BAZ2B: variants seen among roughly 807,000 people sequenced by gnomAD.
The protein encoded by BAZ2B is bromodomain adjacent to zinc finger domain 2B.
In BAZ2B, 91 loss-of-function variants were observed where a neutral mutation model predicts 246.0. The ratio of observed to expected loss-of-function variants is 0.37; its 90% CI spans 0.31 to 0.44. The LOEUF (loss-of-function observed/expected upper bound fraction) is 0.44. BAZ2B is among the 20% of genes least tolerant of loss of function. The pLI is 1.00. For missense variants in BAZ2B, 2,332 were observed against 2,533.7 expected, an observed-to-expected ratio of 0.92 and a Z score of 1.71; for synonymous variants, 855 against 860.0, an observed-to-expected ratio of 0.99 and a Z score of 0.10.
rs778857990 is a variant in BAZ2B, at chr2:159,400,581, T to C, written c.2898+18A>G. On this transcript the variant is annotated intron_variant, in intron 17 of 36. Coordinates refer to ENST00000392783, the MANE Select transcript of BAZ2B (RefSeq NM_013450.4). ...TATGGCTAAATTACTTTAATTATAT[T>C]AAATTTAAGACTTCTACCTCTAGAA... 1.4e-6 allele frequency: 2 copies of C among 1,457,250 alleles called. No individual in the cohort carries two copies. The highest frequency in any genetic ancestry group is 1.9e-6 in the Non-Finnish European group (2 of 1,057,258). The allele number at this position is 1,457,250 out of a possible 1,614,324, so 90.3% of individuals were successfully genotyped here.
intron 2 of BAZ2B, among the ~76,000 whole-genome samples, chr2:159,501,821 T>C (rs1053416403): frequency 7.2e-5 from 11 of 152,312 alleles, no homozygotes; most frequent in Admixed American, 7.2e-4. Context: ...TCTACTCCTA[T>C]TCTTGGACAT....
chr2:159,446,164 C>T (rs1362245084), intron 6 of BAZ2B, among the ~76,000 whole-genome samples: 1 of 152,056 alleles, frequency 6.6e-6, no homozygotes, highest in Non-Finnish European at 1.5e-5. Context: ...GAAGTAACAT[C>T]TTCTTCCAGT....
At chr2:159,415,313 T>C (rs755853373) in intron 13 of BAZ2B, among the ~76,000 whole-genome samples, 2 of 151,662 alleles carry the variant, frequency 1.3e-5, no homozygotes, top group Non-Finnish European at 2.9e-5. Flanking sequence ...GGCGTGGTGG[T>C]GTGCACCTGT....
chr2:159,612,298 A>C (rs2151822079), intron 1 of BAZ2B, among the ~76,000 whole-genome samples: 1 of 152,198 alleles, frequency 6.6e-6, no homozygotes, highest in East Asian at 1.9e-4. Flanking sequence ...AAAAGGCAAC[A>C]GTATTTTTAA....
intron 2 of BAZ2B, among the ~76,000 whole-genome samples, chr2:159,527,261 T>G (rs535941811): frequency 6.6e-6 from 1 of 152,286 alleles, no homozygotes; most frequent in African/African-American, 2.4e-5. Flanking sequence ...ATAACCTTTT[T>G]GGCGAAATGA....
the BAZ2B span, among the ~76,000 whole-genome samples, chr2:159,643,876 C>CAA: frequency 7.5e-3 from 489 of 65,060 alleles, 2 homozygotes; most frequent in African/African-American, 0.013. Flanking sequence ...AACTCCATCA[C>CAA]AAAAAAAAAA....
At chr2:159,421,158 C>T (rs1166052022) in intron 13 of BAZ2B, among the ~76,000 whole-genome samples, 1 of 149,392 alleles carries the variant, frequency 6.7e-6, no homozygotes, top group Non-Finnish European at 1.5e-5. Context: ...ATCTTATACC[C>T]TATTTCTTTC....
At chr2:159,581,672 C>T (rs959873618) in intron 1 of BAZ2B, among the ~76,000 whole-genome samples, 11 of 151,944 alleles carry the variant, frequency 7.2e-5, no homozygotes, top group African/African-American at 2.2e-4. Context: ...GGAAACAACC[C>T]AAATGTCCAT....
chr2:159,641,386 T>C, the BAZ2B span, among the ~76,000 whole-genome samples: 1 of 152,244 alleles, frequency 6.6e-6, no homozygotes, highest in Non-Finnish European at 1.5e-5. Flanking sequence ...TGTTTGTTCA[T>C]GTCCTTTGCC....
intron 20 of BAZ2B, among the ~76,000 whole-genome samples, chr2:159,393,222 G>A (rs1398367264): frequency 1.3e-5 from 2 of 152,140 alleles, no homozygotes; most frequent in Non-Finnish European, 2.9e-5. Flanking sequence ...GAATTTTATC[G>A]TAATTGCAAT....
chr2:159,473,187 T>C (rs2078044506), intron 3 of BAZ2B, among the ~76,000 whole-genome samples: 1 of 152,204 alleles, frequency 6.6e-6, no homozygotes, highest in Non-Finnish European at 1.5e-5. Flanking sequence ...TGGCTGTGAA[T>C]CCATCTGGTC....
intron 13 of BAZ2B, among the ~76,000 whole-genome samples, chr2:159,418,763 G>A (rs952657539): frequency 2.0e-5 from 3 of 152,056 alleles, no homozygotes; most frequent in African/African-American, 7.2e-5. Context: ...TGGATTTACA[G>A]TCCTGTGCCA....
chr2:159,656,393 T>C, the BAZ2B span, among the ~76,000 whole-genome samples: 9 of 152,116 alleles, frequency 5.9e-5, no homozygotes, highest in Non-Finnish European at 1.3e-4. Context: ...TTTGCATGAG[T>C]TCTGACAGAT....
intron 6 of BAZ2B, 152 bp from the exon 7 acceptor site, chr2:159,439,364 A>T (rs2072966439): frequency 1.4e-6 from 1 of 706,306 alleles, no homozygotes; most frequent in Admixed American, 2.9e-5. Flanking sequence ...TAATTATTTA[A>T]CAAACTGATC....
the BAZ2B span, among the ~76,000 whole-genome samples, chr2:159,704,998 G>C: frequency 6.6e-6 from 1 of 151,140 alleles, no homozygotes; most frequent in Non-Finnish European, 1.5e-5. Context: ...GCCCAGCCTC[G>C]TCTGGCCTTT....
chr2:159,632,681 G>A, the BAZ2B span, among the ~76,000 whole-genome samples: 3 of 152,268 alleles, frequency 2.0e-5, no homozygotes, highest in Admixed American at 2.0e-4. Flanking sequence ...ATAATTTAAT[G>A]TGGTGCTGAT....
the BAZ2B span, among the ~76,000 whole-genome samples, chr2:159,659,417 AG>A: frequency 6.6e-6 from 1 of 152,190 alleles, no homozygotes; most frequent in Non-Finnish European, 1.5e-5. Context: ...GAACATGTGT[AG>A]TTTGCTAGTT....
At chr2:159,710,251 C>G in the BAZ2B span, among the ~76,000 whole-genome samples, 1 of 151,480 alleles carries the variant, frequency 6.6e-6, no homozygotes, top group East Asian at 1.9e-4. Context: ...CTCTGTTGCC[C>G]AGGCTGGAGT....
At position 159,404,850 on chromosome 2, in the gene BAZ2B, T is replaced by C. The variant is rs1326305500; in HGVS notation, c.2831A>G (p.Gln944Arg). The C allele has an allele frequency of 9.3e-6, 15 of 1,611,814 alleles. No homozygotes were observed. The highest frequency in any genetic ancestry group is 1.2e-5 in the Non-Finnish European group (14 of 1,179,336). ...GTCACTTCCAATGTATACACATACC[T>C]GCTGTTTCATAATCTTTATCTGTTC... ...QKEQIKIMKQ[Q>R]EKIKRIQQIR... is the part of the protein sequence containing the mutation. The change falls in exon 16 of 37, where the codon CAG (glutamine) becomes CGG (arginine). Residue 944 changes from glutamine to arginine, a missense_variant and splice_region_variant. Physicochemically the swap from Gln to Arg is conservative, Grantham distance 43 (BLOSUM62 1). Transcript: ENST00000392783.
Sources: gnomAD v4.1 joint callset for allele counts (sites outside exome capture counted in the v4.1 genomes callset) on GRCh38, gnomAD v4.1.1 for gene constraint, MANE v1.5 for transcripts, NCBI Gene and HGNC (gene_info 2026-07-23, HGNC 2026-07-21) for gene names.